The following PTGR2 variants were observed in gnomAD, a reference collection of about 807,000 sequenced individuals.
PTGR2 encodes prostaglandin reductase 2, also known as 15-oxoprostaglandin 13-reductase.
In PTGR2, 32 loss-of-function variants were observed where a neutral mutation model predicts 43.4. That is an observed-to-expected ratio of 0.74 (90% CI 0.56 to 0.99). The LOEUF (loss-of-function observed/expected upper bound fraction) is 0.99. Among genes scored for constraint, PTGR2 ranks in the 50% least tolerant of loss-of-function variants. PTGR2 has a pLI of 0.00. For missense variants in PTGR2, 373 were observed against 420.0 expected, an observed-to-expected ratio of 0.89 and a Z score of 0.98; for synonymous variants, 106 against 139.2, an observed-to-expected ratio of 0.76 and a Z score of 1.68.
chr14:73,883,195 T>C (rs2055040953), intron 9 of PTGR2, among the ~76,000 whole-genome samples: 1 of 37,448 alleles, frequency 2.7e-5, no homozygotes, highest in African/African-American at 9.4e-5. Context: ...TCCCTTTTTT[T>C]TTTTTTTTTT....
chr14:73,871,685 C>A (rs1008054078), intron 3 of PTGR2, among the ~76,000 whole-genome samples: 23 of 152,028 alleles, frequency 1.5e-4, no homozygotes, highest in Admixed American at 1.5e-3. Context: ...CACAGTTGAA[C>A]TGAATGGAAT....
Position 73,885,112 on chromosome 14 carries a change from A to T in PTGR2, c.*935A>T, listed in dbSNP as rs1397443684. 6.6e-6 allele frequency: 1 copy of T among 152,246 alleles called. No individual in the cohort carries two copies. Among genetic ancestry groups the T allele is most frequent in the Non-Finnish European group, 1.5e-5 (1 of 68,100 alleles). 9.4% of individuals were successfully genotyped at this position (152,246 alleles called of 1,614,324 possible). A position where few individuals can be genotyped will look rare whatever the true frequency, so the allele number is the denominator to read the frequency against. ...CAAGACCAGCCTGGCCAACACGGTG[A>T]AACCCCATCTCTCTAAAAATACAAA... On this transcript the variant is annotated 3_prime_UTR_variant, in exon 10 of 10. Coordinates refer to ENST00000555661, the MANE Select transcript of PTGR2 (RefSeq NM_001146154.2).
At chr14:73,852,285 T>G (rs1437209388) in intron 1 of PTGR2, among the ~76,000 whole-genome samples, 3 of 152,072 alleles carry the variant, frequency 2.0e-5, no homozygotes, top group South Asian at 4.2e-4. Flanking sequence ...TGTGACGGAG[T>G]CTCGCTCTGT....
chr14:73,871,341 CTTTTTTT>C (rs869073652), intron 3 of PTGR2, among the ~76,000 whole-genome samples: 9 of 67,860 alleles, frequency 1.3e-4, no homozygotes, highest in East Asian at 7.0e-4. Flanking sequence ...GGCTGTTCAT[CTTTTTTT>C]TTTTTTTTTT....
intron 3 of PTGR2, among the ~76,000 whole-genome samples, chr14:73,871,724 A>T (rs566985198): frequency 8.1e-4 from 123 of 152,296 alleles, no homozygotes; most frequent in African/African-American, 2.9e-3. Context: ...TGTCCTCTGC[A>T]GAATTGCTTG....
In PTGR2 at chr14:73,851,855, G is replaced by C. The variant is rs1222080367; in HGVS notation, c.-136G>C. The C allele has an allele frequency of 6.6e-6, 1 of 152,398 alleles. No homozygotes were observed. The highest frequency in any genetic ancestry group is 1.5e-5 in the Non-Finnish European group (1 of 68,188). 9.4% of individuals were successfully genotyped at this position (152,398 alleles called of 1,614,324 possible). A position where few individuals can be genotyped will look rare whatever the true frequency, so the allele number is the denominator to read the frequency against. ...CGCGCGCCTGCGTACTGCGGTCAGAGGGCCGAGGCCTGGGGGCGAGCTGGG... is the reference window on the plus strand; with the variant it reads ...CGCGCGCCTGCGTACTGCGGTCAGACGGCCGAGGCCTGGGGGCGAGCTGGG... On this transcript the variant is annotated 5_prime_UTR_variant, in exon 1 of 10. Transcript: ENST00000555661.
intron 3 of PTGR2, chr14:73,861,782 A>T (rs1036212674): frequency 6.6e-6 from 1 of 152,080 alleles, no homozygotes; most frequent in South Asian, 2.1e-4. Context: ...GCAGTAGGGA[A>T]ATTGGCCCCA....
At chr14:73,862,694 G>C (rs2054520177) in intron 3 of PTGR2, among the ~76,000 whole-genome samples, 1 of 152,092 alleles carries the variant, frequency 6.6e-6, no homozygotes, top group African/African-American at 2.4e-5. Flanking sequence ...CTGAGTGAAG[G>C]ACTGTGGACT....
chr14:73,859,974 G>T (rs1435513644), intron 2 of PTGR2, among the ~76,000 whole-genome samples: 4 of 150,954 alleles, frequency 2.6e-5, no homozygotes, highest in Non-Finnish European at 5.9e-5. Flanking sequence ...TCAGCCTCCC[G>T]AGTAGCTGGG....
chr14:73,853,518 T>C (rs1052083677), intron 1 of PTGR2, among the ~76,000 whole-genome samples: 2 of 151,954 alleles, frequency 1.3e-5, no homozygotes, highest in Middle Eastern at 3.2e-3. Flanking sequence ...AGGTGGGGTT[T>C]CGCCGTTTTG....
At chr14:73,869,392 G>A (rs1357979389) in intron 3 of PTGR2, among the ~76,000 whole-genome samples, 1 of 151,166 alleles carries the variant, frequency 6.6e-6, no homozygotes, top group Non-Finnish European at 1.5e-5. Context: ...AATTAGGTGA[G>A]TGTTAAGGTG....
At position 73,880,054 on chromosome 14, in the gene PTGR2, G is replaced by T; in HGVS notation, c.730-1G>T. 1 of 1,613,558 alleles carries T rather than the reference G, an allele frequency of 6.2e-7. No individual in the cohort carries two copies. The highest frequency in any genetic ancestry group is 8.5e-7 in the Non-Finnish European group (1 of 1,179,644). On this transcript the variant is annotated splice_acceptor_variant, in intron 6 of 9. Coordinates refer to ENST00000555661, the MANE Select transcript of PTGR2 (RefSeq NM_001146154.2). LOFTEE classifies it high-confidence loss of function. ...TTTTATCATTATTTTTCTCTGTGCA[G>T]ATGAATGAGAACAGCCACATCATCC...
intron 9 of PTGR2, among the ~76,000 whole-genome samples, chr14:73,883,581 G>A (rs1470413109): frequency 4.6e-5 from 7 of 151,788 alleles, no homozygotes; most frequent in Non-Finnish European, 1.0e-4. Context: ...TACCTCCCAG[G>A]TTCAGGTGAT....
At chr14:73,867,683 A>G (rs2054634316) in intron 3 of PTGR2, among the ~76,000 whole-genome samples, 1 of 152,196 alleles carries the variant, frequency 6.6e-6, no homozygotes, top group Admixed American at 6.5e-5. Flanking sequence ...GCTAGAAAGC[A>G]CAGTCTTGAG....
intron 2 of PTGR2, 69 bp from the exon 3 acceptor site, chr14:73,860,467 AAAT>A (rs372577049): frequency 5.6e-3 from 3,860 of 691,572 alleles, no homozygotes; most frequent in Middle Eastern, 6.9e-3. Context: ...ACTCTGTCTC[AAAT>A]AATAATAATA....
Position 73,874,164 on chromosome 14 carries a change from T to C in PTGR2, c.298T>C (p.Tyr100His). 1 of 1,614,076 alleles carries C rather than the reference T, an allele frequency of 6.2e-7. No individual in the cohort carries two copies. Reference sequence around the variant, plus strand: ...TAAAGGCGATTTTGTGACTTCTTTCTATTGGCCCTGGCAAACCAAGGTTAT... The same window carrying C: ...TAAAGGCGATTTTGTGACTTCTTTCCATTGGCCCTGGCAAACCAAGGTTAT... Reference protein sequence around the residue: ...LTKGDFVTSFYWPWQTKVILD... With the variant: ...LTKGDFVTSFHWPWQTKVILD... The change falls in exon 4 of 10, where the codon TAT becomes CAT. Residue 100 changes from tyrosine (Y) to histidine (H), a missense_variant. Coordinates refer to ENST00000555661, the MANE Select transcript of PTGR2 (RefSeq NM_001146154.2).
At chr14:73,853,868 A>G (rs2054285359) in intron 1 of PTGR2, among the ~76,000 whole-genome samples, 1 of 152,172 alleles carries the variant, frequency 6.6e-6, no homozygotes, top group South Asian at 2.1e-4. Flanking sequence ...GCTGCAAGGT[A>G]AACACTCAAC....
intron 5 of PTGR2, chr14:73,878,619 G>A: frequency 2.1e-6 from 1 of 473,302 alleles, no homozygotes; most frequent in Non-Finnish European, 4.1e-6. Context: ...GTATGTGGCT[G>A]AACAACTCCG....
intron 6 of PTGR2, 100 bp from the exon 7 acceptor site, chr14:73,879,955 G>A: frequency 1.7e-6 from 2 of 1,208,818 alleles, no homozygotes; most frequent in Non-Finnish European, 2.4e-6. Flanking sequence ...CGAACTAGTT[G>A]ACAGAAAGGA....
Sources: gnomAD v4.1 joint callset for allele counts (sites outside exome capture counted in the v4.1 genomes callset) on GRCh38, gnomAD v4.1.1 for gene constraint, MANE v1.5 for transcripts, NCBI Gene and HGNC (gene_info 2026-07-23, HGNC 2026-07-21) for gene names.